KIAA0825: variants seen among roughly 807,000 people sequenced by gnomAD.
The protein encoded by KIAA0825 is KIAA0825, also known as uncharacterized protein KIAA0825.
A neutral mutation model predicts 147.6 loss-of-function variants in KIAA0825; 119 were observed. The ratio of observed to expected loss-of-function variants is 0.81; its 90% CI spans 0.69 to 0.94. The LOEUF (loss-of-function observed/expected upper bound fraction) is 0.94, where lower values mean the gene tolerates loss of function less well. Ranked by LOEUF, KIAA0825 falls within the 40% of genes least tolerant of loss-of-function variation. KIAA0825 has a pLI of 0.00. For synonymous variants in KIAA0825, 470 were observed against 518.1 expected (o/e 0.91, Z 1.26); for missense variants, 1,381 against 1,472.7 (o/e 0.94, Z 1.02).
chr5:94,292,170 A>G (rs966546986), intron 20 of KIAA0825, among the ~76,000 whole-genome samples: 1 of 152,182 alleles, frequency 6.6e-6, no homozygotes, highest in Non-Finnish European at 1.5e-5. Flanking sequence ...GAGAGAGGGC[A>G]TCCTTGTCTT....
At chr5:94,514,294 T>C (rs1405628084) in intron 5 of KIAA0825, among the ~76,000 whole-genome samples, 1 of 152,176 alleles carries the variant, frequency 6.6e-6, no homozygotes, top group Non-Finnish European at 1.5e-5. Context: ...TTAAAATTAA[T>C]GGTAATATTT....
chr5:94,203,639 T>C (rs553258778), intron 20 of KIAA0825, among the ~76,000 whole-genome samples: 1 of 152,200 alleles, frequency 6.6e-6, no homozygotes, highest in East Asian at 1.9e-4. Flanking sequence ...GGAAAAAGAT[T>C]AGATCATAGC....
chr5:94,268,189 A>C (rs1776817443), intron 20 of KIAA0825, among the ~76,000 whole-genome samples: 1 of 152,184 alleles, frequency 6.6e-6, no homozygotes, highest in South Asian at 2.1e-4. Context: ...ATTTTTAAGA[A>C]CAATTCTCAG....
At chr5:94,199,492 G>C (rs1042876723) in intron 20 of KIAA0825, among the ~76,000 whole-genome samples, 1 of 152,166 alleles carries the variant, frequency 6.6e-6, no homozygotes, top group African/African-American at 2.4e-5. Flanking sequence ...GATGGGGAAG[G>C]GGGGTGTGGG....
chr5:94,448,757 A>T (rs989723071), intron 13 of KIAA0825, among the ~76,000 whole-genome samples: 2 of 152,130 alleles, frequency 1.3e-5, no homozygotes, highest in African/African-American at 4.8e-5. Flanking sequence ...GGGGTGAAAG[A>T]CTCACACAGA....
intron 14 of KIAA0825, among the ~76,000 whole-genome samples, chr5:94,428,760 G>A (rs1755248007): frequency 6.6e-6 from 1 of 152,032 alleles, no homozygotes; most frequent in Admixed American, 6.6e-5. Context: ...TATTTTGCAG[G>A]TGATCTTGAA....
intron 7 of KIAA0825, among the ~76,000 whole-genome samples, chr5:94,475,744 G>A (rs1276801862): frequency 6.6e-6 from 1 of 152,148 alleles, no homozygotes; most frequent in Non-Finnish European, 1.5e-5. Flanking sequence ...GGGAGGCGGA[G>A]ATTGCAGTGA....
intron 14 of KIAA0825, among the ~76,000 whole-genome samples, chr5:94,420,095 C>T (rs957031857): frequency 2.0e-5 from 3 of 151,650 alleles, no homozygotes; most frequent in Admixed American, 2.0e-4. Context: ...CCAGGAAGAC[C>T]GAAGAATTGG....
intron 3 of KIAA0825, among the ~76,000 whole-genome samples, chr5:94,528,665 A>G (rs915559791): frequency 5.3e-5 from 8 of 152,158 alleles, no homozygotes; most frequent in African/African-American, 1.9e-4. Flanking sequence ...CTAGTGACAG[A>G]AGCAAGATGG....
chr5:94,200,219 C>T (rs1771538725), intron 20 of KIAA0825, among the ~76,000 whole-genome samples: 1 of 152,096 alleles, frequency 6.6e-6, no homozygotes, highest in South Asian at 2.1e-4. Context: ...AGGGGTCTCC[C>T]ATAGCTATGA....
chr5:94,451,490 A>T (rs1758396885), intron 13 of KIAA0825, among the ~76,000 whole-genome samples: 1 of 152,234 alleles, frequency 6.6e-6, no homozygotes, highest in Admixed American at 6.5e-5. Flanking sequence ...ATAAAATTTC[A>T]TTTCCACTAT....
chr5:94,180,914 C>T (rs1003059240), intron 20 of KIAA0825, among the ~76,000 whole-genome samples: 37 of 152,072 alleles, frequency 2.4e-4, no homozygotes, highest in African/African-American at 8.4e-4. Context: ...TATTTGGGCT[C>T]TCTGGGTTAT....
chr5:94,240,866 G>A (rs1008913632), intron 20 of KIAA0825, among the ~76,000 whole-genome samples: 2 of 152,224 alleles, frequency 1.3e-5, no homozygotes, highest in Middle Eastern at 3.4e-3. Flanking sequence ...TTCCATTGCC[G>A]AAATTCCTTT....
chr5:94,544,414 A>G (rs975270559), intron 2 of KIAA0825, among the ~76,000 whole-genome samples: 2 of 152,230 alleles, frequency 1.3e-5, no homozygotes, highest in Non-Finnish European at 2.9e-5. Context: ...ACTACCCTGT[A>G]GCCTACTTCA....
At chr5:94,499,072 C>T (rs547985452) in intron 5 of KIAA0825, among the ~76,000 whole-genome samples, 1 of 152,276 alleles carries the variant, frequency 6.6e-6, no homozygotes, top group South Asian at 2.1e-4. Flanking sequence ...AGGCTTTAAA[C>T]TGATTTCAAA....
In KIAA0825 at chr5:94,493,649, C is replaced by T. The variant is rs554366261; in HGVS notation, c.971-8719G>A. On this transcript the variant is annotated intron_variant, in intron 5 of 20. Coordinates refer to ENST00000682413, the MANE Select transcript of KIAA0825 (RefSeq NM_001145678.3). ...GACTACAGGCATCTGCCACCACGCC[C>T]GGCTAATTTTTTGTATTTTTAGTAG... Among the ~76,000 whole-genome samples the T allele has an allele frequency of 7.2e-5, 11 of 152,188 alleles. No individual in the cohort carries two copies. In the East Asian group the frequency reaches 1.6e-3, roughly 21 times the overall value.
At chr5:94,335,581 T>A (rs945041803) in intron 20 of KIAA0825, among the ~76,000 whole-genome samples, 11 of 152,124 alleles carry the variant, frequency 7.2e-5, no homozygotes, top group African/African-American at 2.7e-4. Flanking sequence ...GAAATAATTA[T>A]CATAGTATAT....
Position 94,396,145 on chromosome 5 carries a change from C to T in KIAA0825, c.3252G>A (p.Trp1084Ter). The T allele has an allele frequency of 6.6e-7, 1 of 1,523,606 alleles. No individual in the cohort carries two copies. Among genetic ancestry groups the T allele is most frequent in the Non-Finnish European group, 8.8e-7 (1 of 1,136,652 alleles). 94.4% of individuals were successfully genotyped at this position (1,523,606 alleles called of 1,614,324 possible). The change falls in exon 17 of 21, where the codon TGG (tryptophan) becomes TGA (stop). Residue 1084 changes from tryptophan to a stop codon, truncating the protein, a stop_gained. Coordinates refer to ENST00000682413, the MANE Select transcript of KIAA0825 (RefSeq NM_001145678.3). LOFTEE classifies it high-confidence loss of function. ...TTGCTTTCAACAATTGACGTTCAAT[C>T]CAGTTGGGCTTCTGCTGCTCAATGC... ...IQSIEQQKPN[W>*]IERQLLKARK...
chr5:94,602,641 T>G (rs1322085933), intron 1 of KIAA0825, among the ~76,000 whole-genome samples: 1 of 152,136 alleles, frequency 6.6e-6, no homozygotes, highest in Non-Finnish European at 1.5e-5. Flanking sequence ...CCCTCTTCAC[T>G]TGGCTCTCAT....
Sources: gnomAD v4.1 joint callset for allele counts (sites outside exome capture counted in the v4.1 genomes callset) on GRCh38, gnomAD v4.1.1 for gene constraint, MANE v1.5 for transcripts, NCBI Gene and HGNC (gene_info 2026-07-23, HGNC 2026-07-21) for gene names.